NKAIN3: variants seen among roughly 807,000 people sequenced by gnomAD.
The protein encoded by NKAIN3 is sodium/potassium transporting ATPase interacting 3.
In NKAIN3, 25 loss-of-function variants were observed where a neutral mutation model predicts 30.2. That is an observed-to-expected ratio of 0.83 (90% CI 0.60 to 1.16). NKAIN3 has a LOEUF of 1.16. NKAIN3 is among the 50% of genes most tolerant of loss of function. The pLI is 0.00. For synonymous variants in NKAIN3, 91 were observed against 89.6 expected, an observed-to-expected ratio of 1.02 and a Z score of -0.09; for missense variants, 225 against 254.1, an observed-to-expected ratio of 0.89 and a Z score of 0.78.
intron 3 of NKAIN3, among the ~76,000 whole-genome samples, chr8:62,628,734 A>G: frequency 6.6e-6 from 1 of 151,938 alleles, no homozygotes; most frequent in African/African-American, 2.4e-5. Flanking sequence ...CCAGTTTATC[A>G]AGAAGTTCTT....
chr8:62,627,393 A>G (rs1811825388), intron 3 of NKAIN3, among the ~76,000 whole-genome samples: 1 of 152,108 alleles, frequency 6.6e-6, no homozygotes, highest in Non-Finnish European at 1.5e-5. Context: ...CCCCAGAATC[A>G]GGCTGCTTTC....
intron 1 of NKAIN3, among the ~76,000 whole-genome samples, chr8:62,279,731 A>C (rs1347253781): frequency 1.3e-5 from 2 of 152,158 alleles, no homozygotes; most frequent in Non-Finnish European, 2.9e-5. Context: ...CCATTGGTCT[A>C]TATCTCTGTT....
intron 4 of NKAIN3, among the ~76,000 whole-genome samples, chr8:62,769,790 A>G (rs1816957715): frequency 6.6e-6 from 1 of 152,204 alleles, no homozygotes; most frequent in Admixed American, 6.5e-5. Flanking sequence ...TTAAAAGAGT[A>G]TAGGTGATTC....
At chr8:62,602,386 T>C (rs1435660956) in intron 3 of NKAIN3, among the ~76,000 whole-genome samples, 1 of 152,104 alleles carries the variant, frequency 6.6e-6, no homozygotes, top group Non-Finnish European at 1.5e-5. Context: ...ACACCTGAGA[T>C]CAATATTTAA....
At chr8:62,922,271 A>G (rs1380183425) in intron 5 of NKAIN3, among the ~76,000 whole-genome samples, 1 of 152,172 alleles carries the variant, frequency 6.6e-6, no homozygotes, top group Admixed American at 6.5e-5. Flanking sequence ...GCTAATGTTC[A>G]TGTATTTACC....
At chr8:62,850,082 G>A (rs1034821620) in intron 4 of NKAIN3, among the ~76,000 whole-genome samples, 3 of 152,060 alleles carry the variant, frequency 2.0e-5, no homozygotes, top group African/African-American at 7.2e-5. Flanking sequence ...CAGAGTAAAA[G>A]TGATCCTATT....
chr8:62,269,981 GA>G (rs1812731459), intron 1 of NKAIN3, among the ~76,000 whole-genome samples: 1 of 152,108 alleles, frequency 6.6e-6, no homozygotes. Context: ...TACGAACAAT[GA>G]AAACAATTTA....
intron 1 of NKAIN3, among the ~76,000 whole-genome samples, chr8:62,572,249 CTT>C (rs1210160797): frequency 6.6e-6 from 1 of 152,194 alleles, no homozygotes; most frequent in Admixed American, 6.5e-5. Context: ...CTGCCAGTCT[CTT>C]TGCTTAAACA....
intron 4 of NKAIN3, among the ~76,000 whole-genome samples, chr8:62,794,658 C>T (rs1250123085): frequency 6.6e-6 from 1 of 152,174 alleles, no homozygotes; most frequent in African/African-American, 2.4e-5. Flanking sequence ...CCATCTCCTA[C>T]ACTTGTTACT....
intron 1 of NKAIN3, among the ~76,000 whole-genome samples, chr8:62,472,961 G>T (rs574222139): frequency 6.6e-6 from 1 of 152,326 alleles, no homozygotes; most frequent in African/African-American, 2.4e-5. Context: ...TCTGCTGTCT[G>T]CTCTGCAAGG....
At chr8:62,366,643 A>G (rs1032917516) in intron 1 of NKAIN3, among the ~76,000 whole-genome samples, 12 of 152,124 alleles carry the variant, frequency 7.9e-5, no homozygotes, top group African/African-American at 2.7e-4. Context: ...TTTATTTTCA[A>G]AAAACAACTC....
intron 1 of NKAIN3, among the ~76,000 whole-genome samples, chr8:62,455,432 C>T (rs1274358567): frequency 6.6e-6 from 1 of 152,172 alleles, no homozygotes; most frequent in Non-Finnish European, 1.5e-5. Flanking sequence ...AAACCAAATA[C>T]TGCATGTTCT....
At chr8:62,282,280 A>T (rs1000960146) in intron 1 of NKAIN3, among the ~76,000 whole-genome samples, 1 of 152,070 alleles carries the variant, frequency 6.6e-6, no homozygotes, top group Non-Finnish European at 1.5e-5. Flanking sequence ...GGTGGGTGGA[A>T]ATCAGGTGAG....
At chr8:62,668,035 T>A (rs1307968898) in intron 3 of NKAIN3, among the ~76,000 whole-genome samples, 1 of 152,058 alleles carries the variant, frequency 6.6e-6, no homozygotes, top group Non-Finnish European at 1.5e-5. Flanking sequence ...CAACATTCTC[T>A]TCTCCATTAG....
At chr8:62,320,871 T>A (rs958264720) in intron 1 of NKAIN3, among the ~76,000 whole-genome samples, 1 of 152,220 alleles carries the variant, frequency 6.6e-6, no homozygotes, top group African/African-American at 2.4e-5. Context: ...TGAGTTTGAA[T>A]GTTGGCCTGC....
At chr8:62,253,618 C>G (rs1380148360) in intron 1 of NKAIN3, among the ~76,000 whole-genome samples, 1 of 152,138 alleles carries the variant, frequency 6.6e-6, no homozygotes, top group Non-Finnish European at 1.5e-5. Flanking sequence ...AGAGAACATT[C>G]TCTCAAAGAA....
At chr8:62,458,443 T>A (rs1805888359) in intron 1 of NKAIN3, among the ~76,000 whole-genome samples, 1 of 152,216 alleles carries the variant, frequency 6.6e-6, no homozygotes, top group South Asian at 2.1e-4. Context: ...GTGTTTGGGT[T>A]TGGAGGTGAT....
chr8:62,759,953 C>A (rs1013287316), intron 4 of NKAIN3, among the ~76,000 whole-genome samples: 3 of 152,106 alleles, frequency 2.0e-5, no homozygotes, highest in African/African-American at 4.8e-5. Flanking sequence ...ACCCCATCAA[C>A]AAGTGGGTGA....
At chr8:62,592,529 C>T (rs1317459900) in intron 3 of NKAIN3, among the ~76,000 whole-genome samples, 2 of 151,706 alleles carry the variant, frequency 1.3e-5, no homozygotes, top group South Asian at 2.1e-4. Flanking sequence ...AAAAATAATG[C>T]AAACAGTAAG....
Sources: gnomAD v4.1 joint callset for allele counts (sites outside exome capture counted in the v4.1 genomes callset) on GRCh38, gnomAD v4.1.1 for gene constraint, MANE v1.5 for transcripts, NCBI Gene and HGNC (gene_info 2026-07-23, HGNC 2026-07-21) for gene names.